Variants in ARL15 observed in about 807,000 individuals in gnomAD.
ARL15 encodes the protein ARF like GTPase 15.
A neutral mutation model predicts 25.2 loss-of-function variants in ARL15; 19 were observed. That is an observed-to-expected ratio of 0.75 (90% CI 0.53 to 1.10). The LOEUF (loss-of-function observed/expected upper bound fraction) is 1.10, where lower values mean the gene tolerates loss of function less well. Ranked by LOEUF, ARL15 falls within the 50% of genes least tolerant of loss-of-function variation. The pLI is 0.00. For missense variants in ARL15, 220 were observed against 246.0 expected, an observed-to-expected ratio of 0.89 and a Z score of 0.71; for synonymous variants, 94 against 86.8, an observed-to-expected ratio of 1.08 and a Z score of -0.46.
At chr5:54,099,984 T>A (rs1752388670) in intron 4 of ARL15, among the ~76,000 whole-genome samples, 1 of 151,004 alleles carries the variant, frequency 6.6e-6, no homozygotes, top group Non-Finnish European at 1.5e-5. Flanking sequence ...AAGTTAAACC[T>A]GGGTATATCC....
chr5:54,057,095 G>A (rs1750900240), intron 4 of ARL15, among the ~76,000 whole-genome samples: 2 of 151,832 alleles, frequency 1.3e-5, no homozygotes, highest in African/African-American at 4.8e-5. Flanking sequence ...CACCTTAAAA[G>A]GAAGATTAAA....
chr5:54,033,471 C>T (rs1195693038), intron 4 of ARL15, among the ~76,000 whole-genome samples: 2 of 151,842 alleles, frequency 1.3e-5, no homozygotes, highest in Non-Finnish European at 2.9e-5. Context: ...AGTTCGAGAC[C>T]AGCCTGACCA....
intron 4 of ARL15, among the ~76,000 whole-genome samples, chr5:54,001,920 CTCTTTATAATGATATGATTTATA>C: frequency 6.6e-6 from 1 of 152,288 alleles, no homozygotes; most frequent in East Asian, 1.9e-4. Context: ...CCATTTTAGG[CTCTTTATAATGATATGATTTATA>C]TCTCATGACT....
intron 1 of ARL15, among the ~76,000 whole-genome samples, chr5:54,273,362 A>G (rs28366402): frequency 0.033 from 4,955 of 152,280 alleles, 164 homozygotes; most frequent in African/African-American, 0.083. Context: ...ATACAGTGTC[A>G]CCTATGGAAT....
At chr5:54,164,048 T>TATA (rs1251496067) in intron 2 of ARL15, among the ~76,000 whole-genome samples, 1 of 152,048 alleles carries the variant, frequency 6.6e-6, no homozygotes, top group African/African-American at 2.4e-5. Context: ...AGTCCCGTTT[T>TATA]ATAGGCACCA....
At chr5:53,949,284 G>A (rs1286485097) in intron 4 of ARL15, among the ~76,000 whole-genome samples, 2 of 152,104 alleles carry the variant, frequency 1.3e-5, no homozygotes, top group African/African-American at 4.8e-5. Flanking sequence ...TCAATAGCTA[G>A]AGTATTCACA....
intron 1 of ARL15, among the ~76,000 whole-genome samples, chr5:54,277,165 T>C (rs1024936616): frequency 5.3e-5 from 8 of 152,050 alleles, no homozygotes; most frequent in Non-Finnish European, 8.8e-5. Context: ...TATAATCTTA[T>C]TAATAATATT....
chr5:54,218,984 TG>T (rs1276224537), intron 1 of ARL15, among the ~76,000 whole-genome samples: 2 of 99,256 alleles, frequency 2.0e-5, no homozygotes, highest in Non-Finnish European at 4.7e-5. Context: ...CTGCTACTGC[TG>T]TTTTTTTTTT....
Position 54,290,549 on chromosome 5 carries a change from G to A in ARL15, c.48+19883C>T, listed in dbSNP as rs149349863. ...TCTCGATCTCCTGATCTCATGATCC[G>A]CCCTCCTTGGCCTCTCAAAGTGCTG... is the stretch of plus-strand genomic sequence containing the variant. On this transcript the variant is annotated intron_variant, in intron 1 of 4. Coordinates refer to ENST00000504924, the MANE Select transcript of ARL15 (RefSeq NM_019087.3). Among the ~76,000 whole-genome samples the A allele has an allele frequency of 6.8e-3, 1,030 of 152,032 alleles. 14 individuals carry two copies. The highest frequency in any genetic ancestry group is 0.023 in the African/African-American group (938 of 41,444).
chr5:54,053,259 C>T (rs1460231284), intron 4 of ARL15, among the ~76,000 whole-genome samples: 2 of 151,790 alleles, frequency 1.3e-5, no homozygotes, highest in Non-Finnish European at 2.9e-5. Flanking sequence ...ACAAAACAAA[C>T]AAAAAACAAA....
At chr5:53,964,997 G>C (rs1363766112) in intron 4 of ARL15, among the ~76,000 whole-genome samples, 2 of 152,146 alleles carry the variant, frequency 1.3e-5, no homozygotes, top group East Asian at 3.8e-4. Flanking sequence ...TTGCTAAGAT[G>C]CCTTAGAGGC....
intron 4 of ARL15, among the ~76,000 whole-genome samples, chr5:53,931,712 A>G (rs935533338): frequency 6.6e-6 from 1 of 152,252 alleles, no homozygotes; most frequent in Non-Finnish European, 1.5e-5. Flanking sequence ...TCTCAACAGC[A>G]TAAATACCCA....
intron 4 of ARL15, among the ~76,000 whole-genome samples, chr5:53,905,055 C>T (rs940220649): frequency 1.3e-5 from 2 of 152,118 alleles, no homozygotes; most frequent in South Asian, 2.1e-4. Context: ...ATTAACTGTT[C>T]AACTACCAGT....
chr5:54,036,606 G>C (rs1400479095), intron 4 of ARL15, among the ~76,000 whole-genome samples: 3 of 151,922 alleles, frequency 2.0e-5, no homozygotes, highest in Non-Finnish European at 4.4e-5. Flanking sequence ...CTATATTTTT[G>C]TATAAGCTGA....
At chr5:54,177,939 A>G (rs1446095333) in intron 1 of ARL15, among the ~76,000 whole-genome samples, 1 of 152,216 alleles carries the variant, frequency 6.6e-6, no homozygotes, top group Non-Finnish European at 1.5e-5. Context: ...TCCTGTACAG[A>G]CTAGCACTAC....
chr5:54,044,326 C>A (rs1306031805), intron 4 of ARL15, among the ~76,000 whole-genome samples: 1 of 151,056 alleles, frequency 6.6e-6, no homozygotes, highest in African/African-American at 2.4e-5. Flanking sequence ...TCACTGCAAC[C>A]TCTACCTCCT....
In ARL15 at chr5:54,249,101, G is replaced by C. The variant is rs567109368; in HGVS notation, c.48+61331C>G. Among the ~76,000 whole-genome samples the C allele has an allele frequency of 4.6e-5, 7 of 152,212 alleles. No individual in the cohort carries two copies. The South Asian group carries it at 1.5e-3, about 32-fold the overall frequency. On this transcript the variant is annotated intron_variant, in intron 1 of 4. Transcript: ENST00000504924. ...GGAAAAGAAGCCAGTGGAGGAAACA[G>C]AAGAAGAGCAACCCAAAAATTAGAA...
Position 53,923,018 on chromosome 5 carries a change from T to C in ARL15, c.463-36305A>G, listed in dbSNP as rs574550731. Among the ~76,000 whole-genome samples, 14 of 152,342 alleles carry C rather than the reference T, an allele frequency of 9.2e-5. No homozygotes were observed. The South Asian group carries it at 2.1e-3, about 23-fold the overall frequency. On this transcript the variant is annotated intron_variant, in intron 4 of 4. Transcript: ENST00000504924. ...CAGAAGTGACCTATACACGCTTTCA[T>C]TTATTTTGATGATTAATTTTTAAAA... is the stretch of plus-strand genomic sequence containing the variant.
chr5:54,153,446 T>C (rs1754128624), intron 3 of ARL15, among the ~76,000 whole-genome samples: 1 of 152,156 alleles, frequency 6.6e-6, no homozygotes, highest in Non-Finnish European at 1.5e-5. Context: ...AAAAGTACAA[T>C]TATAATTTAA....
Sources: allele counts gnomAD v4.1 joint callset (sites outside exome capture counted in the v4.1 genomes callset), GRCh38; gene constraint gnomAD v4.1.1; transcripts MANE v1.5; gene names NCBI Gene and HGNC (gene_info 2026-07-23, HGNC 2026-07-21).